The following THEMIS variants were observed in gnomAD, a reference collection of about 807,000 sequenced individuals.
THEMIS encodes the protein protein THEMIS.
THEMIS carries 37 observed loss-of-function variants against 52.6 expected under a neutral mutation model. The ratio of observed to expected loss-of-function variants is 0.70; its 90% CI spans 0.54 to 0.93. THEMIS has a LOEUF of 0.93. Ranked by LOEUF, THEMIS falls within the 40% of genes least tolerant of loss-of-function variation. The pLI is 0.00. For missense variants in THEMIS, 808 were observed against 763.1 expected (o/e 1.06, Z -0.69); for synonymous variants, 292 against 272.7 (o/e 1.07, Z -0.70).
intron 3 of THEMIS, among the ~76,000 whole-genome samples, chr6:127,815,215 T>C (rs1778085159): frequency 6.6e-6 from 1 of 151,836 alleles, no homozygotes; most frequent in South Asian, 2.1e-4. Flanking sequence ...ATTATAATAG[T>C]CTATATTTTC....
intron 4 of THEMIS, among the ~76,000 whole-genome samples, chr6:127,755,708 A>G (rs1010948833): frequency 1.3e-5 from 2 of 152,088 alleles, no homozygotes; most frequent in Non-Finnish European, 2.9e-5. Flanking sequence ...TGTTTTTATA[A>G]AAAAGGGTTT....
chr6:127,778,726 A>G (rs1454179525), intron 4 of THEMIS, among the ~76,000 whole-genome samples: 1 of 152,024 alleles, frequency 6.6e-6, no homozygotes, highest in East Asian at 1.9e-4. Context: ...TTATGTGTGC[A>G]GTTTTGTATT....
chr6:127,767,211 C>A (rs890833736), intron 4 of THEMIS, among the ~76,000 whole-genome samples: 1 of 151,930 alleles, frequency 6.6e-6, no homozygotes, highest in Admixed American at 6.6e-5. Flanking sequence ...CCTGCCTCAA[C>A]CTCCCAAGTA....
chr6:127,753,115 C>T (rs548554313), intron 4 of THEMIS, among the ~76,000 whole-genome samples: 8 of 151,932 alleles, frequency 5.3e-5, no homozygotes, highest in African/African-American at 1.9e-4. Flanking sequence ...ATCTAACATC[C>T]CATCATGATT....
intron 1 of THEMIS, among the ~76,000 whole-genome samples, chr6:127,911,339 T>G (rs1482903627): frequency 6.6e-6 from 1 of 151,052 alleles, no homozygotes; most frequent in Non-Finnish European, 1.5e-5. Context: ...GATATTTCTG[T>G]CTTCTCCTTC....
chr6:127,766,397 A>T (rs549919492), intron 4 of THEMIS, among the ~76,000 whole-genome samples: 1 of 152,306 alleles, frequency 6.6e-6, no homozygotes, highest in East Asian at 1.9e-4. Flanking sequence ...AACATGTTTA[A>T]TTTGATGATA....
chr6:127,873,847 T>C (rs1003061587), intron 1 of THEMIS, among the ~76,000 whole-genome samples: 5 of 152,168 alleles, frequency 3.3e-5, no homozygotes, highest in Non-Finnish European at 5.9e-5. Flanking sequence ...AAGAAAATCA[T>C]AAGGAATAGA....
At chr6:127,705,859 A>G (rs766895003), downstream of THEMIS, among the ~76,000 whole-genome samples, 2 of 152,192 alleles carry the variant, frequency 1.3e-5, no homozygotes, top group Non-Finnish European at 2.9e-5. Context: ...CAGCTGAGGG[A>G]TCAACACAGT....
chr6:127,743,345 C>A (rs762455897), intron 4 of THEMIS, among the ~76,000 whole-genome samples: 4 of 152,068 alleles, frequency 2.6e-5, no homozygotes, highest in Non-Finnish European at 5.9e-5. Flanking sequence ...TTCTCCCACG[C>A]AAAGCCAAGT....
chr6:127,727,975 A>C (rs963655898), intron 4 of THEMIS, among the ~76,000 whole-genome samples: 10 of 152,188 alleles, frequency 6.6e-5, no homozygotes, highest in African/African-American at 2.4e-4. Flanking sequence ...ACCAACCAAC[A>C]CTTTTTTGAA....
At chr6:127,777,972 C>A (rs1184352812) in intron 4 of THEMIS, among the ~76,000 whole-genome samples, 1 of 152,092 alleles carries the variant, frequency 6.6e-6, no homozygotes, top group Non-Finnish European at 1.5e-5. Context: ...TGCTGTTCTA[C>A]TTACTATTAC....
At chr6:127,769,300 C>T (rs1005983350) in intron 4 of THEMIS, among the ~76,000 whole-genome samples, 1 of 149,700 alleles carries the variant, frequency 6.7e-6, no homozygotes, top group Non-Finnish European at 1.5e-5. Context: ...CATTAAACTT[C>T]TAAGATTGTT....
intron 3 of THEMIS, among the ~76,000 whole-genome samples, chr6:127,823,976 G>A (rs781222382): frequency 1.2e-4 from 18 of 152,126 alleles, no homozygotes; most frequent in Non-Finnish European, 2.5e-4. Context: ...GCCTGAGGAG[G>A]CAAAATCCAA....
intron 1 of THEMIS, among the ~76,000 whole-genome samples, chr6:127,871,344 T>A (rs1178366178): frequency 6.6e-6 from 1 of 151,850 alleles, no homozygotes; most frequent in East Asian, 1.9e-4. Flanking sequence ...TTAATAAAAA[T>A]GAAAATACAA....
intron 4 of THEMIS, among the ~76,000 whole-genome samples, chr6:127,755,497 C>T (rs1439845574): frequency 6.6e-6 from 1 of 152,086 alleles, no homozygotes; most frequent in Non-Finnish European, 1.5e-5. Flanking sequence ...ATCAAGGCAT[C>T]ATTTTTAAAG....
chr6:127,793,659 GC>G (rs1777232350), intron 4 of THEMIS, among the ~76,000 whole-genome samples: 1 of 152,100 alleles, frequency 6.6e-6, no homozygotes, highest in African/African-American at 2.4e-5. Flanking sequence ...AAATTTTTCA[GC>G]TATAGCAAAG....
chr6:127,714,945 G>A (rs1331541761), intron 5 of THEMIS, among the ~76,000 whole-genome samples: 1 of 151,910 alleles, frequency 6.6e-6, no homozygotes, highest in Non-Finnish European at 1.5e-5. Flanking sequence ...TTTCCATGAA[G>A]AGCAAACACT....
At chr6:127,754,780 A>C (rs1433795514) in intron 4 of THEMIS, among the ~76,000 whole-genome samples, 1 of 152,122 alleles carries the variant, frequency 6.6e-6, no homozygotes. Flanking sequence ...GGCTACAAAG[A>C]GATTTGGGGA....
intron 1 of THEMIS, among the ~76,000 whole-genome samples, chr6:127,866,949 T>TTTTATTTATTTA (rs10627698): frequency 0.041 from 5,998 of 145,728 alleles, 173 homozygotes; most frequent in East Asian, 0.098. Context: ...TTTATTTTTA[T>TTTTATTTATTTA]TTTATTTATT....
Sources: allele counts gnomAD v4.1 joint callset (sites outside exome capture counted in the v4.1 genomes callset), GRCh38; gene constraint gnomAD v4.1.1; transcripts MANE v1.5; gene names NCBI Gene and HGNC (gene_info 2026-07-23, HGNC 2026-07-21).